Variants in ARHGAP15 observed in about 807,000 individuals in gnomAD.
ARHGAP15 encodes the protein rho GTPase-activating protein 15.
ARHGAP15 carries 51 observed loss-of-function variants against 63.7 expected under a neutral mutation model. The observed-to-expected ratio is 0.80, with a 90% confidence interval of 0.64 to 1.01. The LOEUF (loss-of-function observed/expected upper bound fraction) is 1.01. Ranked by LOEUF, ARHGAP15 falls within the 50% of genes least tolerant of loss-of-function variation. ARHGAP15 has a pLI of 0.00. For synonymous variants in ARHGAP15, 191 were observed against 193.8 expected, an observed-to-expected ratio of 0.99 and a Z score of 0.12; for missense variants, 560 against 564.6, an observed-to-expected ratio of 0.99 and a Z score of 0.08.
At chr2:143,426,796 T>C (rs573983983) in intron 6 of ARHGAP15, among the ~76,000 whole-genome samples, 18 of 152,290 alleles carry the variant, frequency 1.2e-4, no homozygotes, top group African/African-American at 3.8e-4. Flanking sequence ...AACTGCCTCA[T>C]TTGGCTATAA....
chr2:143,233,334 T>C (rs1235751675), intron 5 of ARHGAP15, among the ~76,000 whole-genome samples: 1 of 152,046 alleles, frequency 6.6e-6, no homozygotes, highest in Non-Finnish European at 1.5e-5. Context: ...AAATCTCTAT[T>C]TCTCCCTCAT....
intron 8 of ARHGAP15, among the ~76,000 whole-genome samples, chr2:143,456,897 G>T (rs550705043): frequency 6.6e-6 from 1 of 151,792 alleles, no homozygotes; most frequent in Non-Finnish European, 1.5e-5. Flanking sequence ...TAAATTTTAA[G>T]GGGCATATTG....
intron 6 of ARHGAP15, among the ~76,000 whole-genome samples, chr2:143,379,310 A>G (rs1311222744): frequency 1.3e-5 from 2 of 151,880 alleles, no homozygotes; most frequent in African/African-American, 4.8e-5. Context: ...AAAATGACCC[A>G]CACTGATCAT....
At chr2:143,324,435 TAGAA>T (rs1684166656) in intron 6 of ARHGAP15, among the ~76,000 whole-genome samples, 2 of 152,222 alleles carry the variant, frequency 1.3e-5, no homozygotes, top group Admixed American at 6.5e-5. Context: ...GCCACCAACA[TAGAA>T]AGTCTGACAT....
At chr2:143,594,880 G>C (rs1480104366) in intron 11 of ARHGAP15, among the ~76,000 whole-genome samples, 1 of 152,082 alleles carries the variant, frequency 6.6e-6, no homozygotes, top group Non-Finnish European at 1.5e-5. Context: ...TAATGTTAAG[G>C]TTATGACAGA....
chr2:143,590,381 A>G (rs1434263762), intron 11 of ARHGAP15, among the ~76,000 whole-genome samples: 1 of 152,210 alleles, frequency 6.6e-6, no homozygotes, highest in Non-Finnish European at 1.5e-5. Context: ...CCATGAGCAG[A>G]AGGATCTTGC....
intron 11 of ARHGAP15, among the ~76,000 whole-genome samples, chr2:143,610,894 A>C (rs76617444): frequency 1.3e-5 from 2 of 151,920 alleles, no homozygotes; most frequent in African/African-American, 4.8e-5. Context: ...ATGTCCGGCT[A>C]ATTTTTGTAT....
intron 8 of ARHGAP15, among the ~76,000 whole-genome samples, chr2:143,452,674 T>G (rs1239560944): frequency 2.2e-5 from 3 of 136,492 alleles, no homozygotes; most frequent in African/African-American, 7.8e-5. Flanking sequence ...TTTTTTTTTT[T>G]GTCTCAATGC....
chr2:143,240,074 G>A (rs1183839816), intron 5 of ARHGAP15, among the ~76,000 whole-genome samples: 4 of 149,564 alleles, frequency 2.7e-5, no homozygotes, highest in Non-Finnish European at 5.9e-5. Flanking sequence ...TACGTAGGAG[G>A]TCGAAGCAGG....
intron 10 of ARHGAP15, among the ~76,000 whole-genome samples, chr2:143,520,979 TC>T (rs1474270214): frequency 6.6e-6 from 1 of 152,180 alleles, no homozygotes; most frequent in Non-Finnish European, 1.5e-5. Context: ...GTAGAAAACG[TC>T]TATAAATAGA....
intron 12 of ARHGAP15, 46 bp from the exon 13 acceptor site, chr2:143,703,373 G>A (rs765620823): frequency 6.5e-7 from 1 of 1,541,956 alleles, no homozygotes; most frequent in Non-Finnish European, 8.8e-7. Context: ...CTGTACCTAT[G>A]AAATCTTGTT....
chr2:143,416,908 A>G (rs951950097), intron 6 of ARHGAP15, among the ~76,000 whole-genome samples: 7 of 148,070 alleles, frequency 4.7e-5, no homozygotes, highest in Non-Finnish European at 1.0e-4. Flanking sequence ...TTCTCTCAGC[A>G]TACTGTCTCA....
At chr2:143,416,602 G>A (rs1688689472) in intron 6 of ARHGAP15, among the ~76,000 whole-genome samples, 1 of 152,118 alleles carries the variant, frequency 6.6e-6, no homozygotes, top group South Asian at 2.1e-4. Flanking sequence ...TGCTCCCACT[G>A]CCAAAGTTGG....
At chr2:143,555,755 C>T (rs1225087329) in intron 10 of ARHGAP15, among the ~76,000 whole-genome samples, 1 of 152,010 alleles carries the variant, frequency 6.6e-6, no homozygotes, top group Non-Finnish European at 1.5e-5. Flanking sequence ...ACCTATAATA[C>T]ACTAGAAATT....
intron 6 of ARHGAP15, among the ~76,000 whole-genome samples, chr2:143,268,057 TACA>T (rs539875284): frequency 6.6e-4 from 100 of 152,202 alleles, no homozygotes; most frequent in Non-Finnish European, 1.1e-3. Flanking sequence ...CTAGATTTGT[TACA>T]ACAAGTAAAA....
chr2:143,669,435 A>C (rs1437242793), intron 12 of ARHGAP15, among the ~76,000 whole-genome samples: 1 of 152,248 alleles, frequency 6.6e-6, no homozygotes, highest in Non-Finnish European at 1.5e-5. Context: ...TGCCTAGAGT[A>C]CAGCAGATTG....
chr2:143,246,733 G>A (rs1204793751), intron 5 of ARHGAP15, among the ~76,000 whole-genome samples: 1 of 151,964 alleles, frequency 6.6e-6, no homozygotes, highest in Admixed American at 6.6e-5. Context: ...AGGAAGTGAA[G>A]CCAGGAAGGA....
At chr2:143,609,217 T>G (rs1054332746) in intron 11 of ARHGAP15, among the ~76,000 whole-genome samples, 1 of 152,214 alleles carries the variant, frequency 6.6e-6, no homozygotes, top group Admixed American at 6.5e-5. Context: ...TGGAGATTAG[T>G]ACATAATAAA....
intron 8 of ARHGAP15, among the ~76,000 whole-genome samples, chr2:143,445,904 T>C (rs914414820): frequency 1.3e-4 from 20 of 152,096 alleles, no homozygotes; most frequent in Non-Finnish European, 2.8e-4. Context: ...TGATTATTTT[T>C]ATAAGACTGA....
Sources: allele counts gnomAD v4.1 joint callset (sites outside exome capture counted in the v4.1 genomes callset), GRCh38; gene constraint gnomAD v4.1.1; transcripts MANE v1.5; gene names NCBI Gene and HGNC (gene_info 2026-07-23, HGNC 2026-07-21).